The following RAB14 variants were observed in gnomAD, a reference collection of about 807,000 sequenced individuals.
RAB14 encodes the protein ras-related protein Rab-14.
Under a neutral mutation model 31.1 loss-of-function variants are expected in RAB14, and 3 were observed. The ratio of observed to expected loss-of-function variants is 0.10; its 90% CI spans 0.04 to 0.25. The LOEUF (loss-of-function observed/expected upper bound fraction) is 0.25. RAB14 is among the 10% of genes least tolerant of loss of function. The pLI, the probability that RAB14 is intolerant of heterozygous loss-of-function variation, is 1.00. For missense variants in RAB14, 111 were observed against 260.1 expected, an observed-to-expected ratio of 0.43 and a Z score of 3.94; for synonymous variants, 85 against 84.9, an observed-to-expected ratio of 1.00 and a Z score of 0.00.
intron 1 of RAB14, among the ~76,000 whole-genome samples, chr9:121,197,276 T>C (rs905491992): frequency 6.6e-6 from 1 of 152,186 alleles, no homozygotes; most frequent in Non-Finnish European, 1.5e-5. Flanking sequence ...AATATTGCTT[T>C]AATAAAGGAT....
At chr9:121,188,774 G>A (rs1012725264) in intron 4 of RAB14, among the ~76,000 whole-genome samples, 7 of 151,806 alleles carry the variant, frequency 4.6e-5, no homozygotes, top group Non-Finnish European at 8.8e-5. Flanking sequence ...CTAAAGCCTC[G>A]GGTACTCTTT....
rs555740179 is a variant in RAB14 at position 121,201,290 on chromosome 9, G to A, written c.-8+349C>T. On this transcript the variant is annotated intron_variant, in intron 1 of 7. Transcript: ENST00000373840. ...GCGGCCGCGGGGAACAGCGGCGAGA[G>A]GGGGGCCCGCGGGAGATGCGGTCCT... Among the ~76,000 whole-genome samples the A allele has an allele frequency of 6.6e-5, 10 of 152,220 alleles. No homozygotes were observed. The South Asian group carries it at 1.9e-3, about 28-fold the overall frequency.
chr9:121,193,457 G>C, intron 1 of RAB14, 38 bp from the exon 2 acceptor site: 1 of 1,349,950 alleles, frequency 7.4e-7, no homozygotes, highest in Non-Finnish European at 1.0e-6. Context: ...CAGAAGGAAA[G>C]CATATACAAG....
At chr9:121,194,640 T>G (rs2053705427) in intron 1 of RAB14, among the ~76,000 whole-genome samples, 1 of 151,930 alleles carries the variant, frequency 6.6e-6, no homozygotes, top group South Asian at 2.1e-4. Flanking sequence ...CTTACAGTAT[T>G]TTTAAGCCTG....
chr9:121,190,477 A>T (rs746725055), intron 4 of RAB14, 77 bp downstream of exon 4: 2 of 1,332,394 alleles, frequency 1.5e-6, no homozygotes, highest in Non-Finnish European at 2.0e-6. Context: ...AACTAAAAAA[A>T]ATGCCTATCA....
intron 1 of RAB14, among the ~76,000 whole-genome samples, chr9:121,199,389 T>C (rs551016813): frequency 6.6e-6 from 1 of 152,376 alleles, no homozygotes; most frequent in Non-Finnish European, 1.5e-5. Context: ...TACTTCTATT[T>C]GTCAAACTGT....
chr9:121,196,154 G>A (rs2053715677), intron 1 of RAB14, among the ~76,000 whole-genome samples: 1 of 151,672 alleles, frequency 6.6e-6, no homozygotes, highest in Non-Finnish European at 1.5e-5. Flanking sequence ...GAAAACATGA[G>A]CCCACTTAAC....
At chr9:121,201,152 G>A (rs568903639) in intron 1 of RAB14, among the ~76,000 whole-genome samples, 3 of 152,250 alleles carry the variant, frequency 2.0e-5, no homozygotes, top group African/African-American at 4.8e-5. Flanking sequence ...GCTGCGAAGA[G>A]CTGCCTTTGT....
intron 1 of RAB14, among the ~76,000 whole-genome samples, chr9:121,194,088 TATCA>T (rs2053700982): frequency 1.5e-5 from 1 of 66,990 alleles, no homozygotes; most frequent in African/African-American, 3.7e-5. Flanking sequence ...ACTTGCAGAT[TATCA>T]CTCACACACA....
At chr9:121,187,308 C>A (rs1256968466) in intron 4 of RAB14, among the ~76,000 whole-genome samples, 2 of 152,018 alleles carry the variant, frequency 1.3e-5, no homozygotes, top group African/African-American at 2.4e-5. Context: ...AAGCAAGGAA[C>A]AACACAGTAA....
At position 121,182,918 on chromosome 9, in the gene RAB14, G is replaced by T. The variant is rs754341494; in HGVS notation, c.470+12C>A. ...AATATAATTGAAATATCTGTATTTT[G>T]GTCACACTTACGTTTTTGCACTCGC... On this transcript the variant is annotated intron_variant, in intron 7 of 7. Transcript: ENST00000373840. The T allele has an allele frequency of 6.3e-7, 1 of 1,599,614 alleles. No individual in the cohort carries two copies. Among genetic ancestry groups the T allele is most frequent in the Non-Finnish European group, 8.5e-7 (1 of 1,169,830 alleles).
At chr9:121,183,250 C>CAAGTTTAAGGA in intron 6 of RAB14, 61 bp downstream of exon 6, 2 of 1,369,406 alleles carry the variant, frequency 1.5e-6, no homozygotes, top group South Asian at 2.5e-5. Flanking sequence ...ACAAAACTGT[C>CAAGTTTAAGGA]AAGCCCACCT....
Position 121,183,331 on chromosome 9 carries a change from T to C in RAB14, c.419A>G (p.Lys140Arg), listed in dbSNP as rs1487020000. Residue 140 changes from lysine (K) to arginine (R), a missense_variant, in exon 6 of 8, where the codon AAA becomes AGA. By Grantham distance (26) the Lys-to-Arg change is conservative. Transcript: ENST00000373840. ...AQRDVTYEEA[K>R]QFAEENGLLF... ...CTCACCATTTTCTTCAGCAAACTGT[T>C]TGGCTTCTTCATATGTAACATCTCT... The C allele has an allele frequency of 1.2e-6, 2 of 1,610,020 alleles. No individual in the cohort carries two copies. Among genetic ancestry groups the C allele is most frequent in the Non-Finnish European group, 8.5e-7 (1 of 1,177,152 alleles).
intron 4 of RAB14, among the ~76,000 whole-genome samples, chr9:121,189,454 A>G (rs942153): frequency 0.68 from 102,828 of 151,904 alleles, 35,561 homozygotes; most frequent in East Asian, 0.96. Context: ...ACTCTTGATC[A>G]TATCACAGAT....
At position 121,190,560 on chromosome 9, in the gene RAB14, A is replaced by G. The variant is rs1458042972; in HGVS notation, c.278T>C (p.Ile93Thr). The change falls in exon 4 of 8, where the codon ATC becomes ACC. Residue 93 changes from isoleucine to threonine, a missense_variant. Physicochemically the swap from Ile to Thr is moderately conservative, Grantham distance 89. Coordinates refer to ENST00000373840, the MANE Select transcript of RAB14 (RefSeq NM_016322.4). ...GAAGALMVYDITRRSTYNHLS... is the reference protein window; with the variant it reads ...GAAGALMVYDTTRRSTYNHLS... ...TTGAAAAATTATCTCTTACCTAGTG[A>G]TATCATAGACCATAAGAGCTCCCGC... The G allele has an allele frequency of 3.7e-6, 6 of 1,601,048 alleles. No homozygotes were observed. Among genetic ancestry groups the G allele is most frequent in the South Asian group, 1.1e-5 (1 of 88,746 alleles).
At chr9:121,184,098 C>T (rs1042628732) in intron 5 of RAB14, among the ~76,000 whole-genome samples, 1 of 152,138 alleles carries the variant, frequency 6.6e-6, no homozygotes, top group Non-Finnish European at 1.5e-5. Flanking sequence ...GGTAGGAGGA[C>T]ATTAGATCTC....
intron 1 of RAB14, among the ~76,000 whole-genome samples, chr9:121,198,666 A>T (rs985596378): frequency 1.3e-5 from 2 of 152,212 alleles, no homozygotes; most frequent in Non-Finnish European, 2.9e-5. Flanking sequence ...TGTAGTTCCA[A>T]CATAAACATA....
At chr9:121,197,918 C>G (rs2053727243) in intron 1 of RAB14, among the ~76,000 whole-genome samples, 1 of 151,864 alleles carries the variant, frequency 6.6e-6, no homozygotes, top group Admixed American at 6.6e-5. Context: ...AGTTTAGAAA[C>G]CATTTTGATT....
At chr9:121,184,257 C>T (rs1016240549) in intron 5 of RAB14, among the ~76,000 whole-genome samples, 7 of 152,082 alleles carry the variant, frequency 4.6e-5, no homozygotes, top group African/African-American at 1.4e-4. Context: ...TTTGGGGGCA[C>T]GTATGCAGTA....
Sources: allele counts gnomAD v4.1 joint callset (sites outside exome capture counted in the v4.1 genomes callset), GRCh38; gene constraint gnomAD v4.1.1; transcripts MANE v1.5; gene names NCBI Gene and HGNC (gene_info 2026-07-23, HGNC 2026-07-21).